Variants in RUNX1 observed in about 807,000 individuals in gnomAD.
The protein encoded by RUNX1 is runt-related transcription factor 1.
In RUNX1, 19 loss-of-function variants were observed where a neutral mutation model predicts 42.8. The observed-to-expected ratio is 0.44, with a 90% CI of 0.31 to 0.65. The LOEUF is 0.65. Among genes scored for constraint, RUNX1 ranks in the 30% least tolerant of loss-of-function variants. RUNX1 has a pLI of 0.07. For missense variants in RUNX1, 528 were observed against 672.0 expected, an observed-to-expected ratio of 0.79 and a Z score of 2.37; for synonymous variants, 271 against 289.4, an observed-to-expected ratio of 0.94 and a Z score of 0.64.
At chr21:34,927,477 G>C (rs1372866226) in intron 2 of RUNX1, among the ~76,000 whole-genome samples, 4 of 152,226 alleles carry the variant, frequency 2.6e-5, no homozygotes, top group African/African-American at 9.6e-5. Context: ...CCATGCAAGT[G>C]CCCTGGGTCA....
intron 2 of RUNX1, among the ~76,000 whole-genome samples, chr21:34,895,754 G>A (rs1427652206): frequency 1.3e-5 from 2 of 152,118 alleles, no homozygotes; most frequent in Non-Finnish European, 2.9e-5. Context: ...AAAATACATA[G>A]ACGTAGATAG....
intron 5 of RUNX1, among the ~76,000 whole-genome samples, chr21:34,868,026 G>A (rs1317689125): frequency 6.6e-6 from 1 of 152,214 alleles, no homozygotes; most frequent in Non-Finnish European, 1.5e-5. Flanking sequence ...TGGGAGGCCT[G>A]AGGCATGGAC....
rs929141204 is a variant in RUNX1 at position 34,907,347 on chromosome 21, TTAATAA to T, written c.59-14390_59-14385del. Among the ~76,000 whole-genome samples the T allele has an allele frequency of 5.3e-5, 8 of 152,118 alleles. No homozygotes were observed. Among genetic ancestry groups the T allele is most frequent in the Non-Finnish European group, 8.8e-5 (6 of 68,008 alleles). ...TAGGTTGTGACCCATAGATTGGTTGTTAATAATAATAATAACAAAAGCAAGGTAAGA... is the reference window on the plus strand; with the variant it reads ...TAGGTTGTGACCCATAGATTGGTTGTTAATAATAACAAAAGCAAGGTAAGA... On this transcript the variant is annotated intron_variant, in intron 2 of 8. Coordinates refer to ENST00000675419, the MANE Select transcript of RUNX1 (RefSeq NM_001754.5). This position sits in a 1 kb window ranked among gnomAD's most constrained non-coding sequence, Gnocchi z 5.3.
intron 7 of RUNX1, among the ~76,000 whole-genome samples, chr21:34,805,491 C>T (rs1054585198): frequency 3.9e-5 from 6 of 152,172 alleles, no homozygotes; most frequent in African/African-American, 1.4e-4. Flanking sequence ...AAAGCCAACA[C>T]CTTATCCATA....
At chr21:34,848,078 G>T (rs151012029) in intron 6 of RUNX1, among the ~76,000 whole-genome samples, 97 of 152,318 alleles carry the variant, frequency 6.4e-4, no homozygotes, top group African/African-American at 2.2e-3. Context: ...TAATATTTAA[G>T]GAACACTTCT....
intron 2 of RUNX1, among the ~76,000 whole-genome samples, chr21:34,925,364 T>C (rs181881721): frequency 4.6e-5 from 7 of 152,294 alleles, no homozygotes; most frequent in Admixed American, 2.0e-4. Flanking sequence ...ATTTTTGAAA[T>C]AGGGTCTTTG....
chr21:34,930,299 T>TATATATATAA lies in RUNX1; in HGVS notation c.59-37337_59-37336insTTATATATAT, dbSNP rs1297231112. On this transcript the variant is annotated intron_variant, in intron 2 of 8. Transcript: ENST00000675419. Reference sequence around the variant, plus strand: ...ATATATATATATATATATAAATAAATAAATAAAATTTTACAACTAACATTA... The same window carrying TATATATATAA: ...ATATATATATATATATATAAATAAATATATATATAAAAATAAAATTTTACAACTAACATTA... Among the ~76,000 whole-genome samples, 9 of 143,706 alleles carry TATATATATAA rather than the reference T, an allele frequency of 6.3e-5. No homozygotes were observed. The East Asian group carries it at 1.6e-3, about 25-fold the overall frequency. The allele number at this position is 143,706 out of a possible 152,430, so 94.3% of individuals were successfully genotyped here. A position where few individuals can be genotyped will look rare whatever the true frequency, so the allele number is the denominator to read the frequency against.
At chr21:34,911,383 C>A (rs1434914389) in intron 2 of RUNX1, among the ~76,000 whole-genome samples, 2 of 152,154 alleles carry the variant, frequency 1.3e-5, no homozygotes, top group Admixed American at 6.5e-5. Context: ...GGAGGGAGAT[C>A]TTACATACAT....
intron 2 of RUNX1, among the ~76,000 whole-genome samples, chr21:34,967,838 T>G (rs147052613): frequency 1.3e-4 from 20 of 151,958 alleles, no homozygotes; most frequent in African/African-American, 4.8e-4. Context: ...TCGAAGGGAG[T>G]GGCAATTCAT....
At chr21:34,841,229 C>G (rs780090566) in intron 6 of RUNX1, among the ~76,000 whole-genome samples, 3 of 152,174 alleles carry the variant, frequency 2.0e-5, no homozygotes, top group Non-Finnish European at 4.4e-5. Flanking sequence ...CTAGCTCATG[C>G]CCCTAAGCCT....
chr21:34,855,479 C>T lies in RUNX1; in HGVS notation c.613+3995G>A, dbSNP rs373144551. ...CAGCACTTTGGGAAGCCAAGGTGGGCAGATCACTTGAGGTCAGGAGTTCGA... is the reference window on the plus strand; with the variant it reads ...CAGCACTTTGGGAAGCCAAGGTGGGTAGATCACTTGAGGTCAGGAGTTCGA... On this transcript the variant is annotated intron_variant, in intron 6 of 8. Transcript: ENST00000675419. Among the ~76,000 whole-genome samples the T allele has an allele frequency of 4.6e-5, 7 of 152,244 alleles. No individual in the cohort carries two copies. In the East Asian group the frequency reaches 1.4e-3, roughly 29 times the overall value.
At chr21:34,998,389 C>T (rs2059012929) in intron 2 of RUNX1, among the ~76,000 whole-genome samples, 1 of 152,076 alleles carries the variant, frequency 6.6e-6, no homozygotes, top group South Asian at 2.1e-4. Flanking sequence ...CAGTTCCTGG[C>T]AACATTTGCT....
intron 6 of RUNX1, among the ~76,000 whole-genome samples, chr21:34,844,853 A>G (rs763282444): frequency 8.5e-5 from 13 of 152,258 alleles, no homozygotes; most frequent in Non-Finnish European, 1.6e-4. Context: ...GCCCTTGGAC[A>G]GATGGCTGAG....
intron 2 of RUNX1, among the ~76,000 whole-genome samples, chr21:34,972,461 C>A (rs1009674388): frequency 3.3e-5 from 5 of 152,134 alleles, no homozygotes; most frequent in African/African-American, 1.2e-4. Flanking sequence ...CCCTATACAG[C>A]AAACAAATGA....
At chr21:34,862,251 T>C (rs915230636) in intron 5 of RUNX1, among the ~76,000 whole-genome samples, 2 of 152,246 alleles carry the variant, frequency 1.3e-5, no homozygotes, top group Middle Eastern at 3.4e-3. Flanking sequence ...ATGGGATGCA[T>C]GCAATGTCCC....
intron 8 of RUNX1, among the ~76,000 whole-genome samples, chr21:34,793,780 T>C (rs2056485421): frequency 6.6e-6 from 1 of 150,784 alleles, no homozygotes; most frequent in African/African-American, 2.4e-5. Flanking sequence ...CTCGGCTCAC[T>C]GCACCCACCA....
intron 2 of RUNX1, among the ~76,000 whole-genome samples, chr21:35,016,545 C>T (rs1225531905): frequency 6.6e-6 from 1 of 152,176 alleles, no homozygotes; most frequent in African/African-American, 2.4e-5. Flanking sequence ...AGCATCCTCT[C>T]CCTTTCTTAA....
chr21:35,007,078 C>G (rs79213184), intron 2 of RUNX1, among the ~76,000 whole-genome samples: 4,012 of 152,208 alleles, frequency 0.026, 77 homozygotes, highest in Middle Eastern at 0.062. Context: ...ACCTGCACAC[C>G]AGATCTCAAA....
intron 2 of RUNX1, among the ~76,000 whole-genome samples, chr21:34,958,199 A>G (rs1471514760): frequency 6.6e-6 from 1 of 152,186 alleles, no homozygotes; most frequent in East Asian, 1.9e-4. Flanking sequence ...CGGGACTCCA[A>G]GTCTAGACAC....
Sources: allele counts gnomAD v4.1 joint callset (sites outside exome capture counted in the v4.1 genomes callset), GRCh38; gene constraint gnomAD v4.1.1; non-coding constraint Gnocchi (gnomAD v3.1); transcripts MANE v1.5; gene names NCBI Gene and HGNC (gene_info 2026-07-23, HGNC 2026-07-21).